Variants in KAZN observed in about 807,000 individuals in gnomAD.
KAZN encodes kazrin.
KAZN carries 40 observed loss-of-function variants against 87.4 expected under a neutral mutation model. The observed-to-expected ratio is 0.46, with a 90% CI of 0.36 to 0.60. The LOEUF (loss-of-function observed/expected upper bound fraction) is 0.60. KAZN is among the 20% of genes least tolerant of loss of function. The pLI, the probability that KAZN is intolerant of heterozygous loss-of-function variation, is 0.00. For missense variants in KAZN, 898 were observed against 1,073.9 expected, an observed-to-expected ratio of 0.84 and a Z score of 2.29; for synonymous variants, 466 against 458.3, an observed-to-expected ratio of 1.02 and a Z score of -0.22.
intron 1 of KAZN, among the ~76,000 whole-genome samples, chr1:14,040,307 G>A (rs1386595044): frequency 3.3e-5 from 5 of 152,106 alleles, no homozygotes. Flanking sequence ...GGGAGAAAAG[G>A]CCAGGCTGAA....
At chr1:14,393,841 TCA>T (rs1662659580) in intron 2 of KAZN, among the ~76,000 whole-genome samples, 1 of 49,666 alleles carries the variant, frequency 2.0e-5, no homozygotes, top group Non-Finnish European at 4.4e-5. Context: ...AGACCCAATC[TCA>T]AAAAAAAAAA....
intron 2 of KAZN, among the ~76,000 whole-genome samples, chr1:14,221,165 C>A (rs185096442): frequency 7.7e-4 from 117 of 152,302 alleles, no homozygotes; most frequent in African/African-American, 2.6e-3. Context: ...TCCTTTTAAT[C>A]TCTTCCTCTT....
At chr1:14,954,267 C>T (rs1192281147) in intron 1 of KAZN, among the ~76,000 whole-genome samples, 2 of 152,228 alleles carry the variant, frequency 1.3e-5, no homozygotes, top group African/African-American at 4.8e-5. Context: ...GGGTTTTGGG[C>T]CCCTCTACTT....
chr1:15,097,251 GT>G (rs1337559875), intron 10 of KAZN, among the ~76,000 whole-genome samples: 9 of 152,094 alleles, frequency 5.9e-5, no homozygotes, highest in Non-Finnish European at 1.2e-4. Context: ...ACTGTGTTGG[GT>G]TGGTGGGTGG....
At chr1:13,975,191 C>T (rs1638269499) in intron 1 of KAZN, among the ~76,000 whole-genome samples, 1 of 151,976 alleles carries the variant, frequency 6.6e-6, no homozygotes, top group Admixed American at 6.5e-5. Flanking sequence ...GCTGCCCACC[C>T]CTGCCTCCAC....
intron 2 of KAZN, among the ~76,000 whole-genome samples, chr1:14,420,521 C>T (rs1003040013): frequency 7.9e-5 from 12 of 152,220 alleles, no homozygotes; most frequent in Admixed American, 3.9e-4. Context: ...AGCCCTTGGG[C>T]AGTCAGTGGG....
rs746020477 is a variant in KAZN at position 14,773,838 on chromosome 1, C to T, written c.226+174615C>T. 5.3e-5 allele frequency among the ~76,000 whole-genome samples: 8 copies of T among 152,210 alleles called. No individual in the cohort carries two copies. The highest frequency in any genetic ancestry group is 1.0e-4 in the Non-Finnish European group (7 of 68,038). On this transcript the variant is annotated intron_variant, in intron 1 of 14. Coordinates refer to ENST00000376030, the MANE Select transcript of KAZN (RefSeq NM_201628.3). This position sits in a 1 kb window ranked among gnomAD's most constrained non-coding sequence, Gnocchi z 5.9. ...GGCCAGGCCTGCTCTCCTCCCCTCCCCTCCAAAGAAAACACCATCTTTCCA... is the reference window on the plus strand; with the variant it reads ...GGCCAGGCCTGCTCTCCTCCCCTCCTCTCCAAAGAAAACACCATCTTTCCA...
At chr1:14,254,627 A>G (rs1650338620) in intron 2 of KAZN, among the ~76,000 whole-genome samples, 2 of 152,206 alleles carry the variant, frequency 1.3e-5, no homozygotes, top group Admixed American at 6.5e-5. Context: ...TTTTACGGCT[A>G]AGCACCAGAT....
At chr1:14,630,460 G>A (rs1172114165) in intron 1 of KAZN, among the ~76,000 whole-genome samples, 2 of 152,148 alleles carry the variant, frequency 1.3e-5, no homozygotes, top group East Asian at 3.8e-4. Context: ...GCCAAAACGG[G>A]AGGATCACTT....
At position 14,598,786 on chromosome 1, in the gene KAZN, G is replaced by C. The variant is rs2148593173; in HGVS notation, c.-212G>C. 7.4e-7 allele frequency: 1 copy of C among 1,343,548 alleles called. No homozygotes were observed. 83.2% of individuals were successfully genotyped at this position (1,343,548 alleles called of 1,614,324 possible). On this transcript the variant is annotated 5_prime_UTR_variant, in exon 1 of 15. Coordinates refer to ENST00000376030, the MANE Select transcript of KAZN (RefSeq NM_201628.3). This position sits in a 1 kb window ranked among gnomAD's most constrained non-coding sequence, Gnocchi z 4.2. ...TTTTTCTCCTCCGCCTCCTCCCCCC[G>C]CCGCCTCGCCACCGCCGCGGCTAGG...
rs142043583 is a variant in KAZN, at chr1:14,469,773, G to A, written c.250-129210G>A. On this transcript the variant is annotated intron_variant, in intron 2 of 16. Transcript: ENST00000636203. ...CAGATTCTTATTAGCATTAATGATG[G>A]GTTGTTCAACAAAATCTCTGCACCT... Among the ~76,000 whole-genome samples, 846 of 152,244 alleles carry A rather than the reference G, an allele frequency of 5.6e-3. 4 individuals are homozygous for A. Among genetic ancestry groups the A allele is most frequent in the Middle Eastern group, 0.014 (4 of 294 alleles).
intron 2 of KAZN, among the ~76,000 whole-genome samples, chr1:14,192,862 A>C (rs114707360): frequency 0.017 from 2,647 of 152,290 alleles, 80 homozygotes; most frequent in African/African-American, 0.06. Flanking sequence ...TAAGAATGTG[A>C]CATTATTTGG....
At chr1:14,057,412 C>T (rs1328867273) in intron 1 of KAZN, among the ~76,000 whole-genome samples, 1 of 152,162 alleles carries the variant, frequency 6.6e-6, no homozygotes, top group South Asian at 2.1e-4. Context: ...GGATTATAGG[C>T]GTGAGCCACC....
rs1038693461 is a variant in KAZN, at chr1:15,096,281, C to T, written c.1547+1348C>T. ...AAAACTTCAGGAGTCTGGGCTACTG[C>T]CTGGGTTCCCCCTAAATGGGGATAA... On this transcript the variant is annotated intron_variant, in intron 10 of 14. Coordinates refer to ENST00000376030, the MANE Select transcript of KAZN (RefSeq NM_201628.3). The surrounding 1 kb of genome is among the most constrained non-coding windows in gnomAD (Gnocchi z 4.5). 1.3e-5 allele frequency among the ~76,000 whole-genome samples: 2 copies of T among 152,252 alleles called. No individual in the cohort carries two copies. The highest frequency in any genetic ancestry group is 2.9e-5 in the Non-Finnish European group (2 of 68,040).
At chr1:14,221,977 A>C (rs1168946135) in intron 2 of KAZN, 1 of 152,086 alleles carries the variant, frequency 6.6e-6, no homozygotes, top group Non-Finnish European at 1.5e-5. Context: ...GTGATTCGTG[A>C]TGTTTGGGGT....
At chr1:14,663,337 A>G (rs1452141392) in intron 1 of KAZN, among the ~76,000 whole-genome samples, 1 of 152,116 alleles carries the variant, frequency 6.6e-6, no homozygotes, top group African/African-American at 2.4e-5. Context: ...GAAACTGAAG[A>G]CAGGAAGGGA....
At position 13,943,387 on chromosome 1, in the gene KAZN, T is replaced by G. The variant is rs907500326; in HGVS notation, c.91+49631T>G. Among the ~76,000 whole-genome samples the G allele has an allele frequency of 3.3e-5, 5 of 152,188 alleles. 1 individual carries two copies. Among genetic ancestry groups the G allele is most frequent in the African/African-American group, 9.6e-5 (4 of 41,538 alleles). On this transcript the variant is annotated intron_variant, in intron 1 of 16. Coordinates refer to the KAZN transcript ENST00000636203. ...TGGGAGGCTGAGGTGGGAGGATCCC[T>G]TGAGGCCAGGAGTTCAAAACTAGCC...
intron 2 of KAZN, among the ~76,000 whole-genome samples, chr1:14,569,391 C>T (rs922398153): frequency 5.9e-5 from 8 of 136,228 alleles, no homozygotes; most frequent in Admixed American, 1.7e-4. Flanking sequence ...GGCGAGATCT[C>T]GGCTCACTGC....
chr1:14,420,377 A>C (rs1337394102), intron 2 of KAZN, among the ~76,000 whole-genome samples: 2 of 152,192 alleles, frequency 1.3e-5, no homozygotes, highest in Non-Finnish European at 2.9e-5. Context: ...GCTAGGCGTA[A>C]ATAAATTCTC....
Sources: allele counts gnomAD v4.1 joint callset (sites outside exome capture counted in the v4.1 genomes callset), GRCh38; gene constraint gnomAD v4.1.1; non-coding constraint Gnocchi (gnomAD v3.1); transcripts MANE v1.5; gene names NCBI Gene and HGNC (gene_info 2026-07-23, HGNC 2026-07-21).